The following MYCBP2 variants were observed in gnomAD, a reference collection of about 807,000 sequenced individuals.
MYCBP2 encodes the protein MYC binding protein 2.
A neutral mutation model predicts 525.3 loss-of-function variants in MYCBP2; 120 were observed. The ratio of observed to expected loss-of-function variants is 0.23; its 90% CI spans 0.20 to 0.27. The LOEUF is 0.27. Ranked by LOEUF, MYCBP2 falls within the 10% of genes least tolerant of loss-of-function variation. The pLI is 1.00. For missense variants in MYCBP2, 4,149 were observed against 5,657.1 expected (o/e 0.73, Z 8.55); for synonymous variants, 1,894 against 1,955.8 (o/e 0.97, Z 0.83).
chr13:77,201,376 C>A (rs1327295539), intron 26 of MYCBP2, among the ~76,000 whole-genome samples: 1 of 150,496 alleles, frequency 6.6e-6, no homozygotes, highest in Admixed American at 6.6e-5. Flanking sequence ...AATACAGGAG[C>A]ACCCAGATTC....
chr13:77,123,925 G>C (rs2051193376), intron 54 of MYCBP2, among the ~76,000 whole-genome samples: 1 of 152,028 alleles, frequency 6.6e-6, no homozygotes, highest in Non-Finnish European at 1.5e-5. Flanking sequence ...TAAGCACATA[G>C]TAAGTGAAAA....
At chr13:77,269,461 C>A (rs976852262) in intron 7 of MYCBP2, among the ~76,000 whole-genome samples, 1 of 152,112 alleles carries the variant, frequency 6.6e-6, no homozygotes, top group African/African-American at 2.4e-5. Flanking sequence ...AATGACAAAA[C>A]CCTGTCTCTA....
At chr13:77,241,133 G>T (rs2068758705) in intron 17 of MYCBP2, among the ~76,000 whole-genome samples, 1 of 152,000 alleles carries the variant, frequency 6.6e-6, no homozygotes, top group Non-Finnish European at 1.5e-5. Context: ...ACTTTAAAGG[G>T]TTAATGTTTA....
chr13:77,061,358 G>A, intron 75 of MYCBP2, 57 bp from the exon 76 acceptor site: 1 of 1,410,476 alleles, frequency 7.1e-7, no homozygotes, highest in East Asian at 2.4e-5. Context: ...CTGAAAGGGA[G>A]AGTATAAAAT....
rs370547924 is a variant in MYCBP2, at chr13:77,188,703, C to T, written c.4251+248G>A. Among the ~76,000 whole-genome samples, 8 of 152,100 alleles carry T rather than the reference C, an allele frequency of 5.3e-5. No homozygotes were observed. The East Asian group carries it at 5.8e-4, about 11-fold the overall frequency. On this transcript the variant is annotated intron_variant, in intron 30 of 82. Transcript: ENST00000544440. ...TATATGATTTACTAGAAAAGCAAAT[C>T]GTTATTTGTTTCAAAAACAGCAAGG...
chr13:77,047,721 T>C (rs1449347559), intron 82 of MYCBP2, among the ~76,000 whole-genome samples: 1 of 152,182 alleles, frequency 6.6e-6, no homozygotes. Flanking sequence ...AGACCTGGGA[T>C]AGAAATGCCT....
intron 49 of MYCBP2, chr13:77,144,198 T>C (rs1304331067): frequency 4.2e-6 from 2 of 477,980 alleles, no homozygotes; most frequent in Admixed American, 3.5e-5. Context: ...CACACCTGAC[T>C]AGTAACATCA....
chr13:77,165,550 T>C (rs1022109641), intron 41 of MYCBP2, among the ~76,000 whole-genome samples, 159 bp from the exon 42 acceptor site: 2 of 152,192 alleles, frequency 1.3e-5, no homozygotes, highest in African/African-American at 2.4e-5. Flanking sequence ...AGCGTTCCTA[T>C]ATCTACTTGA....
chr13:77,087,075 T>A (rs1370923090), intron 62 of MYCBP2, among the ~76,000 whole-genome samples: 1 of 152,178 alleles, frequency 6.6e-6, no homozygotes, highest in Non-Finnish European at 1.5e-5. Context: ...GTGTCTTGTT[T>A]GTGAGTTTTA....
chr13:77,055,497 A>G (rs1356835452), intron 80 of MYCBP2, 61 bp downstream of exon 80: 12 of 1,367,142 alleles, frequency 8.8e-6, no homozygotes, highest in Admixed American at 1.9e-5. Context: ...TACAATTTGA[A>G]TTCTTAATCA....
chr13:77,185,040 T>A (rs2060596117), intron 32 of MYCBP2, 63 bp downstream of exon 32: 2 of 1,429,042 alleles, frequency 1.4e-6, no homozygotes, highest in African/African-American at 2.9e-5. Flanking sequence ...TGCAATTTAT[T>A]TTCTTGAAGA....
intron 21 of MYCBP2, among the ~76,000 whole-genome samples, chr13:77,217,102 A>G (rs185501904): frequency 2.3e-4 from 35 of 152,344 alleles, no homozygotes; most frequent in Admixed American, 1.9e-3. Flanking sequence ...TAGTTGTGCA[A>G]TCTTTCTGTA....
chr13:77,095,366 T>A lies in MYCBP2; in HGVS notation c.10191A>T (p.Thr3397=), dbSNP rs146482643. Residue 3397 remains threonine (T), a synonymous_variant, in exon 58 of 83, where the codon ACA becomes ACT. Coordinates refer to ENST00000544440, the MANE Select transcript of MYCBP2 (RefSeq NM_015057.5). ...PVKMPCLYLQ[T]LARHHHENFV... ...CAGCAAAATTTTATTACCTAGCTAA[T>A]GTCTGCAGGTAGAGACAAGGCATTT... The A allele has an allele frequency of 6.2e-7, 1 of 1,613,270 alleles. No individual in the cohort carries two copies. Among genetic ancestry groups the A allele is most frequent in the South Asian group, 1.1e-5 (1 of 91,058 alleles).
chr13:77,090,947 T>C (rs2045297769), intron 59 of MYCBP2, among the ~76,000 whole-genome samples: 1 of 152,182 alleles, frequency 6.6e-6, no homozygotes, highest in Non-Finnish European at 1.5e-5. Flanking sequence ...TGACACATTT[T>C]ATAAAAAAAG....
chr13:77,309,244 A>G (rs1388340542), intron 1 of MYCBP2, among the ~76,000 whole-genome samples: 1 of 152,154 alleles, frequency 6.6e-6, no homozygotes. Context: ...GCTCATTATA[A>G]TTTCTTATTG....
At chr13:77,275,423 C>A (rs1011808650) in intron 4 of MYCBP2, among the ~76,000 whole-genome samples, 5 of 152,160 alleles carry the variant, frequency 3.3e-5, no homozygotes, top group Non-Finnish European at 5.9e-5. Flanking sequence ...TGTCTCAGAG[C>A]CTTACTAAAT....
intron 55 of MYCBP2, among the ~76,000 whole-genome samples, chr13:77,120,341 A>AT (rs1230453214): frequency 6.6e-6 from 1 of 152,208 alleles, no homozygotes; most frequent in Non-Finnish European, 1.5e-5. Context: ...GTAAAAAAAA[A>AT]TCTTGTGGCT....
chr13:77,130,791 A>G (rs1441212425), intron 52 of MYCBP2, among the ~76,000 whole-genome samples: 1 of 152,064 alleles, frequency 6.6e-6, no homozygotes, highest in Non-Finnish European at 1.5e-5. Context: ...ACTTTTTTTT[A>G]GCGTATTCTA....
chr13:77,139,096 G>T, intron 52 of MYCBP2, 100 bp downstream of exon 52: 1 of 1,286,344 alleles, frequency 7.8e-7, no homozygotes. Context: ...AGGTTACTTA[G>T]TTGTGGGTTA....
Sources: gnomAD v4.1 joint callset for allele counts (sites outside exome capture counted in the v4.1 genomes callset) on GRCh38, gnomAD v4.1.1 for gene constraint, MANE v1.5 for transcripts, NCBI Gene and HGNC (gene_info 2026-07-23, HGNC 2026-07-21) for gene names.